CAMSAP2: variants seen among roughly 807,000 people sequenced by gnomAD.
The protein encoded by CAMSAP2 is calmodulin-regulated spectrin-associated protein 2.
CAMSAP2 carries 26 observed loss-of-function variants against 146.1 expected under a neutral mutation model. The observed-to-expected ratio is 0.18, with a 90% confidence interval of 0.13 to 0.25. The LOEUF (loss-of-function observed/expected upper bound fraction) is 0.25, where lower values mean the gene tolerates loss of function less well. Ranked by LOEUF, CAMSAP2 falls within the 10% of genes least tolerant of loss-of-function variation. The pLI is 1.00. For synonymous variants in CAMSAP2, 499 were observed against 596.6 expected (o/e 0.84, Z 2.38); for missense variants, 1,381 against 1,759.3 (o/e 0.78, Z 3.85).
At chr1:200,745,286 A>T (rs572853678) in intron 1 of CAMSAP2, among the ~76,000 whole-genome samples, 1 of 152,162 alleles carries the variant, frequency 6.6e-6, no homozygotes, top group African/African-American at 2.4e-5. Flanking sequence ...TGACAACCCA[A>T]AATGTCCCCA....
chr1:200,742,818 G>A (rs1202425330), intron 1 of CAMSAP2, among the ~76,000 whole-genome samples: 2 of 151,500 alleles, frequency 1.3e-5, no homozygotes, highest in Non-Finnish European at 2.9e-5. Context: ...AGCTAGAAAT[G>A]TGAGCATAGA....
At position 200,832,386 on chromosome 1, in the gene CAMSAP2, A is replaced by G. The variant is rs1258100094; in HGVS notation, c.787+45A>G. 6.4e-7 allele frequency: 1 copy of G among 1,551,442 alleles called. No homozygotes were observed. ...ACTTCTGAACTGTAGACAGATAGTA[A>G]CCAATATTTAAGACAGTATTATTTT... On this transcript the variant is annotated intron_variant, in intron 5 of 16. Coordinates refer to ENST00000358823, the MANE Select transcript of CAMSAP2 (RefSeq NM_203459.4). The surrounding 1 kb of genome is among the most constrained non-coding windows in gnomAD (Gnocchi z 4.2).
rs1296821720 is a variant in CAMSAP2, at chr1:200,856,086, T to G, written c.3973T>G (p.Ser1325Ala). 6.2e-7 allele frequency: 1 copy of G among 1,613,876 alleles called. No individual in the cohort carries two copies. The highest frequency in any genetic ancestry group is 1.7e-5 in the Admixed American group (1 of 60,028). Residue 1325 changes from serine to alanine, a missense_variant, in exon 15 of 17, where the codon TCA becomes GCA. Around this residue, in one of 4 missense-constraint regions of CAMSAP2, gnomAD observed 560 missense variants for 715.9 expected, o/e 0.78. Coordinates refer to ENST00000358823, the MANE Select transcript of CAMSAP2 (RefSeq NM_203459.4). ...RNGEKDWENA[S>A]TTSSVASGTE... ...TGGAGAAAAAGACTGGGAGAATGCA[T>G]CAACAACTTCTTCAGTGGCTTCTGG...
intron 2 of CAMSAP2, among the ~76,000 whole-genome samples, chr1:200,762,349 C>T (rs1467587634): frequency 6.6e-6 from 1 of 152,136 alleles, no homozygotes; most frequent in African/African-American, 2.4e-5. Flanking sequence ...AGATTGTCAT[C>T]TTTCATTGAT....
In CAMSAP2 at chr1:200,848,980, A is replaced by T; in HGVS notation, c.2211A>T (p.Pro737=). 6.2e-7 allele frequency: 1 copy of T among 1,614,220 alleles called. No individual in the cohort carries two copies. The highest frequency in any genetic ancestry group is 8.5e-7 in the Non-Finnish European group (1 of 1,180,032). Residue 737 remains proline (P), a synonymous_variant, in exon 11 of 17, where the codon CCA becomes CCT. Coordinates refer to ENST00000358823, the MANE Select transcript of CAMSAP2 (RefSeq NM_203459.4). ...AAATTCCAGAAGAAACAGGGCTTCC[A>T]CAGGGACGGGACACTACCCAGCTGT... ...WAQIPEETGL[P]QGRDTTQLLA...
At chr1:200,823,481 A>G (rs1261124432) in intron 4 of CAMSAP2, among the ~76,000 whole-genome samples, 4 of 152,164 alleles carry the variant, frequency 2.6e-5, no homozygotes, top group East Asian at 1.9e-4. Flanking sequence ...CTGGTTTTCC[A>G]CTGATGTCCT....
At chr1:200,824,341 G>A (rs10920040) in intron 4 of CAMSAP2, among the ~76,000 whole-genome samples, 26,485 of 151,438 alleles carry the variant, frequency 0.17, 3,087 homozygotes, top group East Asian at 0.36. Flanking sequence ...CATTTCTTCA[G>A]TAAGTCTTAA....
chr1:200,756,949 G>T (rs1664671589), intron 1 of CAMSAP2, among the ~76,000 whole-genome samples: 1 of 151,936 alleles, frequency 6.6e-6, no homozygotes, highest in Non-Finnish European at 1.5e-5. Context: ...GTCAACAGTG[G>T]GTTTAAACTT....
At chr1:200,847,338 T>A in intron 9 of CAMSAP2, 46 bp downstream of exon 9, 1 of 1,320,656 alleles carries the variant, frequency 7.6e-7, no homozygotes. Context: ...TTAAGTAGGT[T>A]ACCTGGGAAA....
chr1:200,820,523 A>G (rs1489450250), intron 4 of CAMSAP2, among the ~76,000 whole-genome samples: 2 of 152,196 alleles, frequency 1.3e-5, no homozygotes, highest in African/African-American at 2.4e-5. Flanking sequence ...TTTAAGGTGT[A>G]TCTCAATATA....
At position 200,854,850 on chromosome 1, in the gene CAMSAP2, G is replaced by T; in HGVS notation, c.3857G>T (p.Gly1286Val). 1 of 1,612,388 alleles carries T rather than the reference G, an allele frequency of 6.2e-7. No homozygotes were observed. Among genetic ancestry groups the T allele is most frequent in the Non-Finnish European group, 8.5e-7 (1 of 1,179,182 alleles). ...CTTTCTTTGGCATCGCTGAACACGG[G>T]TGATAACGAGAGTGTACATTCAGGC... ...SSLSLASLNT[G>V]DNESVHSGKR... Residue 1286 changes from glycine to valine, a missense_variant, in exon 14 of 17, where the codon GGT (glycine) becomes GTT (valine). Gly to Val is a moderately radical substitution (Grantham distance 109). Around this residue, in one of 4 missense-constraint regions of CAMSAP2, gnomAD observed 560 missense variants for 715.9 expected, o/e 0.78. Transcript: ENST00000358823.
chr1:200,827,058 G>A (rs766819846), intron 4 of CAMSAP2, among the ~76,000 whole-genome samples: 6 of 152,134 alleles, frequency 3.9e-5, no homozygotes, highest in East Asian at 1.9e-4. Flanking sequence ...TGAAGCATAC[G>A]TATATAAGTA....
chr1:200,745,642 C>T (rs1664300847), intron 1 of CAMSAP2, among the ~76,000 whole-genome samples: 1 of 151,988 alleles, frequency 6.6e-6, no homozygotes, highest in South Asian at 2.1e-4. Flanking sequence ...TACAGTCTTC[C>T]TGGATTTTTA....
intron 13 of CAMSAP2, 84 bp from the exon 14 acceptor site, chr1:200,854,733 A>G (rs746116626): frequency 5.7e-5 from 54 of 940,986 alleles, no homozygotes; most frequent in Non-Finnish European, 8.7e-5. Context: ...GTGTTATCTA[A>G]TGAACAGACT....
intron 3 of CAMSAP2, among the ~76,000 whole-genome samples, chr1:200,812,597 C>G (rs1232345948): frequency 1.3e-5 from 2 of 152,076 alleles, no homozygotes; most frequent in Non-Finnish European, 2.9e-5. Context: ...TTTGGCTCGT[C>G]CTAACCCAGT....
intron 4 of CAMSAP2, among the ~76,000 whole-genome samples, chr1:200,822,089 C>T (rs1302497862): frequency 6.6e-6 from 1 of 151,764 alleles, no homozygotes; most frequent in African/African-American, 2.4e-5. Flanking sequence ...GTTTTTCAAA[C>T]TGAAAATTTC....
At chr1:200,747,338 G>C (rs1664363444) in intron 1 of CAMSAP2, among the ~76,000 whole-genome samples, 2 of 152,178 alleles carry the variant, frequency 1.3e-5, no homozygotes, top group Non-Finnish European at 2.9e-5. Context: ...AGAGAACATT[G>C]AGGATGAAGG....
intron 4 of CAMSAP2, among the ~76,000 whole-genome samples, chr1:200,827,262 T>A (rs1666928844): frequency 6.6e-6 from 1 of 152,202 alleles, no homozygotes; most frequent in Admixed American, 6.5e-5. Context: ...TTACAAGAAA[T>A]ATGGAATAAC....
chr1:200,812,047 A>G (rs1329101519), intron 3 of CAMSAP2, among the ~76,000 whole-genome samples: 3 of 152,110 alleles, frequency 2.0e-5, no homozygotes, highest in Admixed American at 6.6e-5. Flanking sequence ...AAGTGCCTCT[A>G]TCAACCCCTT....
Sources: allele counts gnomAD v4.1 joint callset (sites outside exome capture counted in the v4.1 genomes callset), GRCh38; gene constraint gnomAD v4.1.1; regional missense constraint gnomAD v4.1.1; non-coding constraint Gnocchi (gnomAD v3.1); transcripts MANE v1.5; gene names NCBI Gene and HGNC (gene_info 2026-07-23, HGNC 2026-07-21).